PPM1B: variants seen among roughly 807,000 people sequenced by gnomAD.
PPM1B encodes protein phosphatase 1B.
A neutral mutation model predicts 43.0 loss-of-function variants in PPM1B; 22 were observed. The observed-to-expected ratio is 0.51, with a 90% confidence interval of 0.37 to 0.73. PPM1B has a LOEUF of 0.73. PPM1B is among the 30% of genes least tolerant of loss of function. The pLI is 0.00. For missense variants in PPM1B, 632 were observed against 584.2 expected (o/e 1.08, Z -0.84); for synonymous variants, 217 against 197.9 (o/e 1.10, Z -0.81).
At chr2:44,228,297 C>T (rs945978610) in intron 5 of PPM1B, among the ~76,000 whole-genome samples, 2 of 149,426 alleles carry the variant, frequency 1.3e-5, no homozygotes, top group Non-Finnish European at 3.0e-5. Context: ...AGCTCAACCT[C>T]TCGCCTCAGT....
At chr2:44,232,219 G>A, downstream of PPM1B, 1 of 1,506,852 alleles carries the variant, frequency 6.6e-7, no homozygotes, top group Middle Eastern at 2.2e-4. Flanking sequence ...AAGAAAGGAA[G>A]GTAATTTGTT....
chr2:44,179,413 C>G lies in PPM1B; in HGVS notation c.-15+10139C>G, dbSNP rs923111165. Reference sequence around the variant, plus strand: ...CCTCATTTAACATTCCTACTAGCCCCGAGTGGTTAGTGGCTACTATACCAA... The same window carrying G: ...CCTCATTTAACATTCCTACTAGCCCGGAGTGGTTAGTGGCTACTATACCAA... On this transcript the variant is annotated intron_variant, in intron 1 of 5. Coordinates refer to ENST00000282412, the MANE Select transcript of PPM1B (RefSeq NM_002706.6). 1.1e-4 allele frequency among the ~76,000 whole-genome samples: 16 copies of G among 152,120 alleles called. 1 individual carries two copies. The highest frequency in any genetic ancestry group is 3.9e-4 in the African/African-American group (16 of 41,422).
intron 1 of PPM1B, among the ~76,000 whole-genome samples, chr2:44,193,948 A>C (rs1668531620): frequency 6.6e-6 from 1 of 152,174 alleles, no homozygotes; most frequent in Non-Finnish European, 1.5e-5. Context: ...TACTGGCCTC[A>C]AGCAATCCTC....
intron 5 of PPM1B, among the ~76,000 whole-genome samples, chr2:44,222,917 A>G (rs1670040477): frequency 6.6e-6 from 1 of 151,966 alleles, no homozygotes; most frequent in Non-Finnish European, 1.5e-5. Flanking sequence ...TGTAGCCTCA[A>G]CCTCCCAGGC....
At chr2:44,192,147 CATTTTAATT>C (rs1224635582) in intron 1 of PPM1B, among the ~76,000 whole-genome samples, 3 of 144,428 alleles carry the variant, frequency 2.1e-5, no homozygotes, top group African/African-American at 7.7e-5. Flanking sequence ...AATTTTCTGT[CATTTTAATT>C]ATTTTTATTT....
At chr2:44,235,792 G>GCTTATGCCT (rs1411844372), downstream of PPM1B, among the ~76,000 whole-genome samples, 3 of 151,772 alleles carry the variant, frequency 2.0e-5, no homozygotes, top group Admixed American at 2.0e-4. Flanking sequence ...CCAGCTAGTT[G>GCTTATGCCT]GGAAACTGAG....
intron 2 of PPM1B, among the ~76,000 whole-genome samples, chr2:44,203,071 A>G (rs1044559957): frequency 6.6e-6 from 1 of 152,202 alleles, no homozygotes; most frequent in African/African-American, 2.4e-5. Flanking sequence ...AGGTATGGGC[A>G]TAACCAGAAA....
chr2:44,169,243 G>A lies in PPM1B; in HGVS notation c.-46G>A, dbSNP rs1667193180. Reference sequence around the variant, plus strand: ...GTACCGCGGCGGGCGCGAGCGAGGCGCCCTAGACATCTTCTCCCTCCCTTG... The same window carrying A: ...GTACCGCGGCGGGCGCGAGCGAGGCACCCTAGACATCTTCTCCCTCCCTTG... On this transcript the variant is annotated 5_prime_UTR_variant, in exon 1 of 6. Coordinates refer to ENST00000282412, the MANE Select transcript of PPM1B (RefSeq NM_002706.6). The A allele has an allele frequency of 6.5e-6, 1 of 153,952 alleles. No homozygotes were observed. Among genetic ancestry groups the A allele is most frequent in the African/African-American group, 2.4e-5 (1 of 41,462 alleles). 9.5% of individuals were successfully genotyped at this position (153,952 alleles called of 1,614,324 possible).
chr2:44,233,123 T>C, downstream of PPM1B: 1 of 979,138 alleles, frequency 1.0e-6, no homozygotes, highest in Non-Finnish European at 1.2e-6. Context: ...GCCTTTATAA[T>C]GTAAATTGTG....
chr2:44,191,958 TC>T (rs1338195412), intron 1 of PPM1B, among the ~76,000 whole-genome samples: 1 of 152,118 alleles, frequency 6.6e-6, no homozygotes, highest in African/African-American at 2.4e-5. Flanking sequence ...GGTGTTTAGT[TC>T]TCTTTCCTTT....
downstream of PPM1B, chr2:44,233,665 G>T: frequency 1.0e-6 from 1 of 985,722 alleles, no homozygotes. Flanking sequence ...TTTGTGAAAT[G>T]GAATTCATGG....
At chr2:44,234,036 C>T (rs1034734184), downstream of PPM1B, 2 of 977,038 alleles carry the variant, frequency 2.0e-6, no homozygotes, top group African/African-American at 3.5e-5. Context: ...CAACTTGTTA[C>T]CTAAATAAAG....
chr2:44,186,906 A>G (rs1028925252), intron 1 of PPM1B, among the ~76,000 whole-genome samples: 1 of 152,264 alleles, frequency 6.6e-6, no homozygotes, highest in Non-Finnish European at 1.5e-5. Context: ...ATAATACAAC[A>G]TAACCATCTT....
intron 1 of PPM1B, among the ~76,000 whole-genome samples, chr2:44,198,450 C>T (rs538281962): frequency 2.0e-5 from 3 of 152,286 alleles, no homozygotes; most frequent in Admixed American, 6.5e-5. Flanking sequence ...CATGAGCCAC[C>T]GCACCCAGCC....
At position 44,231,210 on chromosome 2, in the gene PPM1B, T is replaced by C; in HGVS notation, c.*492T>C. On this transcript the variant is annotated 3_prime_UTR_variant, in exon 6 of 6. Coordinates refer to ENST00000282412, the MANE Select transcript of PPM1B (RefSeq NM_002706.6). The stretch of plus-strand genomic sequence containing the variant: ...TTTTTCTTTCAAGGATGATAATTTG[T>C]GTGTTGTTTGATTTGTTTATATTTT... 1.0e-6 allele frequency: 1 copy of C among 984,392 alleles called. No homozygotes were observed. Among genetic ancestry groups the C allele is most frequent in the Non-Finnish European group, 1.2e-6 (1 of 828,948 alleles). 61.0% of individuals were successfully genotyped at this position (984,392 alleles called of 1,614,324 possible).
Position 44,226,135 on chromosome 2 carries a change from C to G in PPM1B, c.1135-4278C>G, listed in dbSNP as rs180778400. 1.0e-3 allele frequency among the ~76,000 whole-genome samples: 156 copies of G among 152,148 alleles called. 2 individuals carry two copies. Among genetic ancestry groups the G allele is most frequent in the African/African-American group, 3.6e-3 (149 of 41,498 alleles). On this transcript the variant is annotated intron_variant, in intron 5 of 5. Transcript: ENST00000282412. Reference sequence around the variant, plus strand: ...GGACGACAGGTGCCCGCCACCACGCCCAGCTAACTTTTTGTATTTTTAGTA... The same window carrying G: ...GGACGACAGGTGCCCGCCACCACGCGCAGCTAACTTTTTGTATTTTTAGTA...
chr2:44,175,438 A>G (rs1373316858), intron 1 of PPM1B, among the ~76,000 whole-genome samples: 1 of 152,178 alleles, frequency 6.6e-6, no homozygotes, highest in Admixed American at 6.5e-5. Flanking sequence ...CCTCCAGCCA[A>G]TTCTTATGTT....
At chr2:44,223,283 A>C (rs1230685383) in intron 5 of PPM1B, among the ~76,000 whole-genome samples, 1 of 152,206 alleles carries the variant, frequency 6.6e-6, no homozygotes, top group Non-Finnish European at 1.5e-5. Context: ...AGAGAAGGGA[A>C]GGAAAAACAG....
chr2:44,233,282 T>A (rs927528483), downstream of PPM1B: 1 of 907,298 alleles, frequency 1.1e-6, no homozygotes, highest in South Asian at 5.1e-5. Context: ...TTTAAAATTA[T>A]CTATTTTAGA....
Sources: allele counts gnomAD v4.1 joint callset (sites outside exome capture counted in the v4.1 genomes callset), GRCh38; gene constraint gnomAD v4.1.1; transcripts MANE v1.5; gene names NCBI Gene and HGNC (gene_info 2026-07-23, HGNC 2026-07-21).